RYR2: variants seen among roughly 807,000 people sequenced by gnomAD.
The protein encoded by RYR2 is ryanodine receptor 2, also known as cardiac muscle ryanodine receptor-calcium release channel.
Under a neutral mutation model 601.1 loss-of-function variants are expected in RYR2, and 227 were observed. The ratio of observed to expected loss-of-function variants is 0.38; its 90% confidence interval spans 0.34 to 0.42. The LOEUF is 0.42. Ranked by LOEUF, RYR2 falls within the 10% of genes least tolerant of loss-of-function variation. The pLI, the probability that RYR2 is intolerant of heterozygous loss-of-function variation, is 1.00. For missense variants in RYR2, 4,646 were observed against 6,156.5 expected (o/e 0.75, Z 8.21); for synonymous variants, 2,223 against 2,175.1 (o/e 1.02, Z -0.61).
chr1:237,583,235 A>G (rs1674135203), intron 29 of RYR2, among the ~76,000 whole-genome samples: 1 of 151,934 alleles, frequency 6.6e-6, no homozygotes, highest in South Asian at 2.1e-4. Context: ...TTTGAAAAGT[A>G]TCTGTTCATG....
rs147090817 is a variant in RYR2, at chr1:237,331,810, A to G, written c.273+828A>G. On this transcript the variant is annotated intron_variant, in intron 3 of 104. Coordinates refer to ENST00000366574, the MANE Select transcript of RYR2 (RefSeq NM_001035.3). ...ATTACAGGCGTGAGCCACCGCGCCC[A>G]GCCCTGAAATTGTTATGTGGTTTCC... Among the ~76,000 whole-genome samples, 1,233 of 151,940 alleles carry G rather than the reference A, an allele frequency of 8.1e-3. 14 individuals carry two copies. The highest frequency in any genetic ancestry group is 0.026 in the African/African-American group (1,093 of 41,462).
chr1:237,752,244 A>G (rs935139515), intron 80 of RYR2, among the ~76,000 whole-genome samples: 4 of 152,116 alleles, frequency 2.6e-5, no homozygotes, highest in Non-Finnish European at 4.4e-5. Context: ...CTCAGGCTGG[A>G]GTGCACTGGC....
chr1:237,538,394 C>CAAA lies in RYR2; in HGVS notation c.2906+7915_2906+7917dup, dbSNP rs10551995. Among the ~76,000 whole-genome samples, 50 of 32,898 alleles carry CAAA rather than the reference C, an allele frequency of 1.5e-3. 3 individuals carry two copies. The highest frequency in any genetic ancestry group is 9.5e-3 in the East Asian group (7 of 736). The allele number at this position is 32,898 out of a possible 152,430, so 21.6% of individuals were successfully genotyped here. A position where few individuals can be genotyped will look rare whatever the true frequency, so the allele number is the denominator to read the frequency against. On this transcript the variant is annotated intron_variant, in intron 25 of 104. Coordinates refer to ENST00000366574, the MANE Select transcript of RYR2 (RefSeq NM_001035.3). The stretch of plus-strand genomic sequence containing the variant: ...TGGGTGACAGAGCAAGACTCTGTCT[C>CAAA]AAAAAAAAAAAAAAAAAAAAAAAAA...
At chr1:237,127,174 A>G (rs1464266761) in intron 1 of RYR2, among the ~76,000 whole-genome samples, 1 of 152,112 alleles carries the variant, frequency 6.6e-6, no homozygotes, top group Non-Finnish European at 1.5e-5. Context: ...AAAGTCTCCC[A>G]TGTCTACTTC....
chr1:237,728,809 G>T (rs1690428541), intron 76 of RYR2, among the ~76,000 whole-genome samples: 1 of 151,960 alleles, frequency 6.6e-6, no homozygotes, highest in Non-Finnish European at 1.5e-5. Context: ...GGGAGGGAGA[G>T]TATTAAGACA....
rs540971699 is a variant in RYR2 at position 237,121,380 on chromosome 1, A to AAG, written c.48+78818_48+78819dup. Among the ~76,000 whole-genome samples, 654 of 152,276 alleles carry AAG rather than the reference A, an allele frequency of 4.3e-3. 6 individuals carry two copies. The highest frequency in any genetic ancestry group is 0.015 in the African/African-American group (626 of 41,562). On this transcript the variant is annotated intron_variant, in intron 1 of 104. Coordinates refer to ENST00000366574, the MANE Select transcript of RYR2 (RefSeq NM_001035.3). ...CAAAAAATTCTTCCATTCAGATAAA[A>AAG]AGAGAGAGCACTCAACTCCTTTTAC...
intron 79 of RYR2, among the ~76,000 whole-genome samples, chr1:237,738,787 C>G (rs923714661): frequency 3.9e-5 from 6 of 151,940 alleles, no homozygotes; most frequent in African/African-American, 1.5e-4. Context: ...TGTGTTTTTG[C>G]TAATGTGAAC....
intron 17 of RYR2, among the ~76,000 whole-genome samples, chr1:237,475,666 C>A (rs6694024): frequency 6.6e-6 from 1 of 151,488 alleles, no homozygotes; most frequent in African/African-American, 2.4e-5. Context: ...TTGTGGGATA[C>A]GGTGTGATGT....
intron 1 of RYR2, among the ~76,000 whole-genome samples, chr1:237,231,222 G>A (rs1185727193): frequency 6.6e-6 from 1 of 152,076 alleles, no homozygotes; most frequent in Non-Finnish European, 1.5e-5. Context: ...GAGGAAGTGG[G>A]GGTGAAATGA....
At chr1:237,806,741 G>C (rs1468489495) in intron 99 of RYR2, among the ~76,000 whole-genome samples, 9 of 152,086 alleles carry the variant, frequency 5.9e-5, no homozygotes, top group Non-Finnish European at 2.9e-5. Flanking sequence ...TTTTTAAGCT[G>C]GATATTCATG....
At chr1:237,752,767 G>A (rs1022127634) in intron 80 of RYR2, among the ~76,000 whole-genome samples, 7 of 151,720 alleles carry the variant, frequency 4.6e-5, no homozygotes, top group Admixed American at 1.3e-4. Context: ...TTTTTATTTC[G>A]TATAATATTG....
Position 237,162,632 on chromosome 1 carries a change from T to C in RYR2, c.49-107865T>C, listed in dbSNP as rs1463810039. 3.3e-5 allele frequency among the ~76,000 whole-genome samples: 5 copies of C among 152,056 alleles called. No homozygotes were observed. The East Asian group carries it at 9.6e-4, about 29-fold the overall frequency. On this transcript the variant is annotated intron_variant, in intron 1 of 104. Transcript: ENST00000366574. Reference sequence around the variant, plus strand: ...CAGGATACAGCACCCCAAAATATGATTATAGGAGATCAGAATATACCTCAA... The same window carrying C: ...CAGGATACAGCACCCCAAAATATGACTATAGGAGATCAGAATATACCTCAA...
At chr1:237,372,591 G>A (rs552023203) in intron 6 of RYR2, among the ~76,000 whole-genome samples, 2 of 152,288 alleles carry the variant, frequency 1.3e-5, no homozygotes, top group East Asian at 3.9e-4. Context: ...TTTGTATAGA[G>A]CAATCACATA....
intron 71 of RYR2, among the ~76,000 whole-genome samples, chr1:237,713,800 C>T (rs746192762): frequency 3.3e-5 from 5 of 152,042 alleles, no homozygotes; most frequent in Non-Finnish European, 5.9e-5. Context: ...TGGGTTTTGC[C>T]TGTTGCATTA....
chr1:237,551,671 T>C (rs1670420346), intron 27 of RYR2, among the ~76,000 whole-genome samples: 2 of 152,220 alleles, frequency 1.3e-5, no homozygotes, highest in Non-Finnish European at 2.9e-5. Flanking sequence ...TCACAGGGCC[T>C]ATAATTTTTG....
intron 1 of RYR2, among the ~76,000 whole-genome samples, chr1:237,235,663 G>A (rs1685488022): frequency 6.6e-6 from 1 of 152,202 alleles, no homozygotes; most frequent in African/African-American, 2.4e-5. Context: ...CCCAGCAGAT[G>A]TGAGGAAAAC....
At chr1:237,655,756 T>A in intron 52 of RYR2, 65 bp from the exon 53 acceptor site, 1 of 1,453,190 alleles carries the variant, frequency 6.9e-7, no homozygotes, top group Non-Finnish European at 9.3e-7. Context: ...CTGTCAGCCC[T>A]GATGATCATG....
At chr1:237,576,875 T>C (rs1397461728) in intron 29 of RYR2, among the ~76,000 whole-genome samples, 2 of 152,226 alleles carry the variant, frequency 1.3e-5, no homozygotes, top group African/African-American at 4.8e-5. Context: ...ATGTTCAGTA[T>C]TATTGATCAG....
intron 1 of RYR2, among the ~76,000 whole-genome samples, chr1:237,217,690 T>G (rs1683342179): frequency 7.5e-6 from 1 of 132,854 alleles, no homozygotes; most frequent in Non-Finnish European, 1.7e-5. Flanking sequence ...AGGCACAGTG[T>G]GAAGTAGTTG....
Sources: allele counts gnomAD v4.1 joint callset (sites outside exome capture counted in the v4.1 genomes callset), GRCh38; gene constraint gnomAD v4.1.1; transcripts MANE v1.5; gene names NCBI Gene and HGNC (gene_info 2026-07-23, HGNC 2026-07-21).